CAMSAP2: variants seen among roughly 807,000 people sequenced by gnomAD.
CAMSAP2 encodes the protein calmodulin-regulated spectrin-associated protein 2.
Under a neutral mutation model 146.1 loss-of-function variants are expected in CAMSAP2, and 26 were observed. The observed-to-expected ratio is 0.18, with a 90% CI of 0.13 to 0.25. The LOEUF (loss-of-function observed/expected upper bound fraction) is 0.25. Among genes scored for constraint, CAMSAP2 ranks in the 10% least tolerant of loss-of-function variants. The probability of loss-of-function intolerance (pLI) is 1.00; values close to 1 mark genes in which losing one functional copy is unlikely to be tolerated. For synonymous variants in CAMSAP2, 499 were observed against 596.6 expected, an observed-to-expected ratio of 0.84 and a Z score of 2.38; for missense variants, 1,381 against 1,759.3, an observed-to-expected ratio of 0.78 and a Z score of 3.85.
At position 200,858,163 on chromosome 1, in the gene CAMSAP2, A is replaced by C. The variant is rs2102273232; in HGVS notation, c.*104A>C. 1.0e-6 allele frequency: 1 copy of C among 1,003,002 alleles called. No homozygotes were observed. The highest frequency in any genetic ancestry group is 1.5e-6 in the Non-Finnish European group (1 of 685,644). The allele number at this position is 1,003,002 out of a possible 1,614,324, so 62.1% of individuals were successfully genotyped here. A position where few individuals can be genotyped will look rare whatever the true frequency, so the allele number is the denominator to read the frequency against. Reference sequence around the variant, plus strand: ...TTGCCAACAAGACTTTTATTAATTAAAACTGGACATTAAGCTCTGTTGTCA... The same window carrying C: ...TTGCCAACAAGACTTTTATTAATTACAACTGGACATTAAGCTCTGTTGTCA... On this transcript the variant is annotated 3_prime_UTR_variant, in exon 17 of 17. Transcript: ENST00000358823.
chr1:200,809,008 GGTTT>G (rs1666253599), intron 3 of CAMSAP2, among the ~76,000 whole-genome samples: 3 of 152,198 alleles, frequency 2.0e-5, no homozygotes, highest in African/African-American at 7.2e-5. Flanking sequence ...CAAGGAAGTT[GGTTT>G]CACTTTAAGT....
At chr1:200,817,174 A>ATATACACACACATATAAGTGTGTGTG (rs1666597670) in intron 4 of CAMSAP2, among the ~76,000 whole-genome samples, 1 of 63,196 alleles carries the variant, frequency 1.6e-5, no homozygotes. Flanking sequence ...ACGTGTGTGT[A>ATATACACACACATATAAGTGTGTGTG]TATACACACA....
Position 200,806,441 on chromosome 1 carries a change from A to G in CAMSAP2, c.400-935A>G, listed in dbSNP as rs187724836. ...ATCTAATGTTGTCAAAAATGTGGAG[A>G]AACAGGCAGGCTGATAACGTTGGTG... On this transcript the variant is annotated intron_variant, in intron 2 of 16. Coordinates refer to ENST00000358823, the MANE Select transcript of CAMSAP2 (RefSeq NM_203459.4). Among the ~76,000 whole-genome samples the G allele has an allele frequency of 1.3e-5, 2 of 152,318 alleles. 1 individual carries two copies. The highest frequency in any genetic ancestry group is 1.3e-4 in the Admixed American group (2 of 15,298).
rs979327642 is a variant in CAMSAP2, at chr1:200,766,257, C to T, written c.399+5159C>T. Among the ~76,000 whole-genome samples, 4 of 152,064 alleles carry T rather than the reference C, an allele frequency of 2.6e-5. No homozygotes were observed. In the South Asian group the frequency reaches 8.3e-4, roughly 32 times the overall value. ...CTGCAGGGCTCAGGTGACCCTCCCA[C>T]CTCAGCCTCCTGGGTAGCTGGGTCT... On this transcript the variant is annotated intron_variant, in intron 2 of 16. Transcript: ENST00000358823.
chr1:200,795,522 A>G (rs1489800562), intron 2 of CAMSAP2, among the ~76,000 whole-genome samples: 1 of 152,178 alleles, frequency 6.6e-6, no homozygotes, highest in East Asian at 1.9e-4. Flanking sequence ...GTACAGCCAC[A>G]TTTAAATGCC....
chr1:200,781,415 C>T (rs537309274), intron 2 of CAMSAP2, among the ~76,000 whole-genome samples: 2 of 152,236 alleles, frequency 1.3e-5, no homozygotes, highest in East Asian at 3.9e-4. Flanking sequence ...TAAGTTTGCC[C>T]AGGTCACTAT....
intron 11 of CAMSAP2, among the ~76,000 whole-genome samples, chr1:200,851,179 G>A (rs1473671937): frequency 1.3e-5 from 2 of 152,004 alleles, no homozygotes; most frequent in East Asian, 3.8e-4. Flanking sequence ...TAGAGGTGCT[G>A]CATCTTTTTA....
chr1:200,748,059 G>A (rs1426113319), intron 1 of CAMSAP2, among the ~76,000 whole-genome samples: 2 of 151,272 alleles, frequency 1.3e-5, no homozygotes, highest in Non-Finnish European at 2.9e-5. Context: ...ACCATTCAGA[G>A]CTCTTCTCTA....
chr1:200,741,954 A>T (rs1664191375), intron 1 of CAMSAP2, among the ~76,000 whole-genome samples: 2 of 152,216 alleles, frequency 1.3e-5, no homozygotes, highest in Non-Finnish European at 2.9e-5. Flanking sequence ...AGTAAGTGGC[A>T]GAAGTGAGTT....
Position 200,832,428 on chromosome 1 carries a change from G to GCAA in CAMSAP2, c.787+87_787+88insCAA. On this transcript the variant is annotated intron_variant, in intron 5 of 16. Transcript: ENST00000358823. The surrounding 1 kb of genome is among the most constrained non-coding windows in gnomAD (Gnocchi z 4.2). ...TATTATTTTGCACTCCAGCCTAGGTGACTGAGTGGGACCCTGTCTCAAAAA... is the reference window on the plus strand; with the variant it reads ...TATTATTTTGCACTCCAGCCTAGGTGCAAACTGAGTGGGACCCTGTCTCAAAAA... 1 of 1,218,076 alleles carries GCAA rather than the reference G, an allele frequency of 8.2e-7. No homozygotes were observed. Among genetic ancestry groups the GCAA allele is most frequent in the Non-Finnish European group, 1.1e-6 (1 of 895,660 alleles). 75.5% of individuals were successfully genotyped at this position (1,218,076 alleles called of 1,614,324 possible). A position where few individuals can be genotyped will look rare whatever the true frequency, so the allele number is the denominator to read the frequency against.
At chr1:200,829,048 G>C (rs1379241474) in intron 4 of CAMSAP2, among the ~76,000 whole-genome samples, 1 of 151,960 alleles carries the variant, frequency 6.6e-6, no homozygotes, top group African/African-American at 2.4e-5. Context: ...CCAGCTACTC[G>C]GGAGGCTGAG....
At chr1:200,789,567 T>G (rs890121362) in intron 2 of CAMSAP2, among the ~76,000 whole-genome samples, 1 of 152,238 alleles carries the variant, frequency 6.6e-6, no homozygotes, top group African/African-American at 2.4e-5. Flanking sequence ...ACTGAATCTC[T>G]GTAGTGAGCT....
intron 2 of CAMSAP2, among the ~76,000 whole-genome samples, chr1:200,773,491 A>T (rs1665175213): frequency 6.6e-6 from 1 of 152,236 alleles, no homozygotes; most frequent in Middle Eastern, 3.4e-3. Flanking sequence ...TCCTGACCTC[A>T]CATGATCCGC....
At chr1:200,793,379 T>C (rs1336086251) in intron 2 of CAMSAP2, among the ~76,000 whole-genome samples, 1 of 152,160 alleles carries the variant, frequency 6.6e-6, no homozygotes, top group African/African-American at 2.4e-5. Flanking sequence ...GTTTTTTTAA[T>C]GGATATTAGT....
chr1:200,796,873 C>T (rs962721814), intron 2 of CAMSAP2, among the ~76,000 whole-genome samples: 3 of 151,846 alleles, frequency 2.0e-5, no homozygotes, highest in Non-Finnish European at 2.9e-5. Flanking sequence ...TTCCTGTGTC[C>T]ATGTGATCTC....
intron 3 of CAMSAP2, among the ~76,000 whole-genome samples, chr1:200,807,877 A>T (rs1034863849): frequency 1.3e-5 from 2 of 151,404 alleles, no homozygotes; most frequent in Admixed American, 1.3e-4. Flanking sequence ...AGTAGCTGGG[A>T]TTACAGGCGT....
intron 2 of CAMSAP2, among the ~76,000 whole-genome samples, chr1:200,806,367 G>A (rs908521443): frequency 6.6e-6 from 1 of 152,150 alleles, no homozygotes; most frequent in Non-Finnish European, 1.5e-5. Flanking sequence ...AAACAAGAGT[G>A]GGGTCTTCTA....
chr1:200,814,950 T>G (rs139554633), intron 3 of CAMSAP2, among the ~76,000 whole-genome samples: 109 of 152,240 alleles, frequency 7.2e-4, no homozygotes, highest in African/African-American at 2.6e-3. Context: ...AAATAATTTA[T>G]GCACCATGTA....
intron 4 of CAMSAP2, among the ~76,000 whole-genome samples, chr1:200,828,881 G>A (rs1666971190): frequency 1.3e-5 from 2 of 152,060 alleles, no homozygotes; most frequent in African/African-American, 4.8e-5. Context: ...TTATGGGCCA[G>A]GTGCGGTGGC....
Sources: gnomAD v4.1 joint callset for allele counts (sites outside exome capture counted in the v4.1 genomes callset) on GRCh38, gnomAD v4.1.1 for gene constraint, Gnocchi (gnomAD v3.1) non-coding constraint, MANE v1.5 for transcripts, NCBI Gene and HGNC (gene_info 2026-07-23, HGNC 2026-07-21) for gene names.